Variants in SRPX observed in about 807,000 individuals in gnomAD.
SRPX encodes sushi repeat-containing protein SRPX.
SRPX carries 24 observed loss-of-function variants against 38.1 expected under a neutral mutation model. That is an observed-to-expected ratio of 0.63 (90% CI 0.46 to 0.89). The LOEUF (loss-of-function observed/expected upper bound fraction) is 0.89, where lower values mean the gene tolerates loss of function less well. Among genes scored for constraint, SRPX ranks in the 40% least tolerant of loss-of-function variants. The pLI is 0.00. For synonymous variants in SRPX, 184 were observed against 153.8 expected (o/e 1.20, Z -1.45); for missense variants, 416 against 377.8 (o/e 1.10, Z -0.84).
chrX:38,174,296 G>T lies in SRPX; in HGVS notation c.213C>A (p.Ala71=). 1 of 1,137,364 alleles carries T rather than the reference G, an allele frequency of 8.8e-7. No individual in the cohort carries two copies. Among genetic ancestry groups the T allele is most frequent in the Non-Finnish European group, 1.2e-6 (1 of 859,335 alleles). The allele number at this position is 1,137,364 out of a possible 1,213,427, so 93.7% of individuals were successfully genotyped here. A position where few individuals can be genotyped will look rare whatever the true frequency, so the allele number is the denominator to read the frequency against. The change falls in exon 3 of 10, where the codon GCC becomes GCA. Residue 71 remains alanine, a synonymous_variant. Transcript: ENST00000378533. Reference sequence around the variant, plus strand: ...CTGTTTTGTAGTATCCTCCTTGAGGGGCCCTGCAGTACACATCCCCATACT... The same window carrying T: ...CTGTTTTGTAGTATCCTCCTTGAGGTGCCCTGCAGTACACATCCCCATACT... The part of the protein sequence containing the change: ...KVKYGDVYCR[A]PQGGYYKTAL...
intron 7 of SRPX, among the ~76,000 whole-genome samples, chrX:38,159,738 T>TTTGCTGA (rs1157924129): frequency 8.9e-6 from 1 of 112,451 alleles, no homozygotes; most frequent in Non-Finnish European, 1.9e-5. Flanking sequence ...TAGAGCAAAT[T>TTTGCTGA]TTGCTGATTC....
chrX:38,160,706 TC>T (rs1379292522), intron 6 of SRPX, among the ~76,000 whole-genome samples: 2 of 110,861 alleles, frequency 1.8e-5, no homozygotes, highest in Non-Finnish European at 3.8e-5. Flanking sequence ...GTAAGACTAG[TC>T]CTGGGAACTC....
intron 1 of SRPX, among the ~76,000 whole-genome samples, chrX:38,190,881 T>C (rs1011737549): frequency 6.3e-5 from 7 of 111,497 alleles, no homozygotes; most frequent in Admixed American, 2.9e-4. Context: ...TCCTATCCCT[T>C]GACTACAGGA....
At chrX:38,210,963 T>G (rs1939309529) in intron 1 of SRPX, among the ~76,000 whole-genome samples, 1 of 111,734 alleles carries the variant, frequency 8.9e-6, no homozygotes, top group Non-Finnish European at 1.9e-5. Flanking sequence ...AACCACACTT[T>G]GAGTAAGGCC....
intron 5 of SRPX, among the ~76,000 whole-genome samples, chrX:38,161,450 G>T (rs1938259990): frequency 9.6e-6 from 1 of 103,722 alleles, no homozygotes. Context: ...AAAATCATTA[G>T]AGAATATAGT....
At chrX:38,165,695 C>T (rs1938354694) in intron 4 of SRPX, among the ~76,000 whole-genome samples, 1 of 112,071 alleles carries the variant, frequency 8.9e-6, no homozygotes. Flanking sequence ...TCTCTCTCTT[C>T]CTGCTATCTA....
chrX:38,188,986 G>A (rs763604407), intron 1 of SRPX, among the ~76,000 whole-genome samples: 11 of 111,694 alleles, frequency 9.8e-5, no homozygotes, highest in South Asian at 7.5e-4. Context: ...TTGGGGGATC[G>A]GTGGTAGAAG....
At chrX:38,171,149 C>T (rs892176605) in intron 4 of SRPX, among the ~76,000 whole-genome samples, 1 of 111,676 alleles carries the variant, frequency 9.0e-6, no homozygotes, top group African/African-American at 3.3e-5. Flanking sequence ...CGCAGACCTG[C>T]TGAATTTAAA....
chrX:38,217,213 CAAG>C (rs751622602), intron 1 of SRPX, among the ~76,000 whole-genome samples: 1 of 112,670 alleles, frequency 8.9e-6, no homozygotes, highest in African/African-American at 3.2e-5. Flanking sequence ...TTAAAATCTA[CAAG>C]AAGAAGAGTG....
At chrX:38,200,118 G>T (rs7058012) in intron 1 of SRPX, among the ~76,000 whole-genome samples, 36,098 of 111,086 alleles carry the variant, frequency 0.32, 4,846 homozygotes, top group Non-Finnish European at 0.43. Context: ...AAACACCTGA[G>T]CTATGGCCAC....
chrX:38,160,486 A>T (rs776055104), intron 6 of SRPX, among the ~76,000 whole-genome samples: 143 of 111,954 alleles, frequency 1.3e-3, no homozygotes, highest in African/African-American at 4.4e-3. Context: ...AGTTGCCCAA[A>T]CCATCAGGCA....
At chrX:38,171,415 C>T (rs970225532) in intron 4 of SRPX, among the ~76,000 whole-genome samples, 1 of 111,827 alleles carries the variant, frequency 8.9e-6, no homozygotes, top group African/African-American at 3.3e-5. Context: ...GAACCACTCA[C>T]TGCCCAACAA....
At chrX:38,199,353 C>G (rs1167004599) in intron 1 of SRPX, among the ~76,000 whole-genome samples, 1 of 111,367 alleles carries the variant, frequency 9.0e-6, no homozygotes, top group Non-Finnish European at 1.9e-5. Flanking sequence ...TTGCAGTGAG[C>G]CGAGATCGCG....
At chrX:38,210,490 C>T (rs7880056) in intron 1 of SRPX, among the ~76,000 whole-genome samples, 2,076 of 111,977 alleles carry the variant, frequency 0.019, 53 homozygotes, top group African/African-American at 0.063. Flanking sequence ...AAGTAGGAGA[C>T]GGTGGAGAGC....
At chrX:38,199,854 T>C (rs1356582696) in intron 1 of SRPX, among the ~76,000 whole-genome samples, 1 of 111,935 alleles carries the variant, frequency 8.9e-6, no homozygotes, top group East Asian at 2.8e-4. Context: ...CTGAAGTGTT[T>C]TTATGAGTTA....
At chrX:38,169,959 T>C (rs1938438614) in intron 4 of SRPX, among the ~76,000 whole-genome samples, 1 of 112,640 alleles carries the variant, frequency 8.9e-6, no homozygotes, top group Non-Finnish European at 1.9e-5. Flanking sequence ...ATGGAGGTTG[T>C]GGCTCTTCAA....
chrX:38,164,877 A>G lies in SRPX; in HGVS notation c.545T>C (p.Ile182Thr). Residue 182 changes from isoleucine (I) to threonine (T), a missense_variant, in exon 5 of 10, where the codon ATC becomes ACC. Physicochemically the swap from Ile to Thr is moderately conservative, Grantham distance 89 (BLOSUM62 -1). Transcript: ENST00000378533. ...ASCVDMEPPR[I>T]KCPSVKERIA... ...GCGTTCCTTCACACTTGGGCACTTG[A>G]TTCTAGGAGGTTCCATATCTGAAAA... is the stretch of plus-strand genomic sequence containing the variant. 1 of 1,209,595 alleles carries G rather than the reference A, an allele frequency of 8.3e-7. No homozygotes were observed. The highest frequency in any genetic ancestry group is 1.1e-6 in the Non-Finnish European group (1 of 894,698).
chrX:38,159,908 G>A, intron 7 of SRPX, 109 bp downstream of exon 7: 1 of 871,336 alleles, frequency 1.1e-6, no homozygotes, highest in Non-Finnish European at 1.6e-6. Flanking sequence ...GATAAAGAGG[G>A]ATGGCCATGA....
chrX:38,166,902 G>C (rs1938372457), intron 4 of SRPX, among the ~76,000 whole-genome samples: 1 of 111,643 alleles, frequency 9.0e-6, no homozygotes, highest in African/African-American at 3.3e-5. Context: ...TCCAAGATAG[G>C]TTATCTGGGT....
Sources: allele counts gnomAD v4.1 joint callset (sites outside exome capture counted in the v4.1 genomes callset), GRCh38; gene constraint gnomAD v4.1.1; transcripts MANE v1.5; gene names NCBI Gene and HGNC (gene_info 2026-07-23, HGNC 2026-07-21).